The following CPNE4 variants were observed in gnomAD, a reference collection of about 807,000 sequenced individuals.
CPNE4 encodes the protein copine 4.
In CPNE4, 25 loss-of-function variants were observed where a neutral mutation model predicts 67.9. That is an observed-to-expected ratio of 0.37 (90% CI 0.27 to 0.51). CPNE4 has a LOEUF of 0.51. Ranked by LOEUF, CPNE4 falls within the 20% of genes least tolerant of loss-of-function variation. The pLI is 0.93. For missense variants in CPNE4, 464 were observed against 690.8 expected (o/e 0.67, Z 3.68); for synonymous variants, 242 against 244.9 (o/e 0.99, Z 0.11).
At chr3:131,879,225 T>C (rs1439459233) in intron 2 of CPNE4, among the ~76,000 whole-genome samples, 1 of 152,160 alleles carries the variant, frequency 6.6e-6, no homozygotes, top group Non-Finnish European at 1.5e-5. Flanking sequence ...AAAACTGTGA[T>C]TAAAGTGAAT....
intron 2 of CPNE4, among the ~76,000 whole-genome samples, chr3:131,824,173 T>TC (rs879432106): frequency 0.032 from 4,807 of 152,236 alleles, 184 homozygotes; most frequent in South Asian, 0.094. Context: ...CAATTCTTTA[T>TC]ATAAATAAAG....
chr3:131,979,258 A>G (rs1278111088), intron 1 of CPNE4, among the ~76,000 whole-genome samples: 1 of 152,120 alleles, frequency 6.6e-6, no homozygotes, highest in Non-Finnish European at 1.5e-5. Context: ...TGTCTTGATG[A>G]CATGTCTAAT....
chr3:131,693,591 C>G (rs1013853070), intron 5 of CPNE4, among the ~76,000 whole-genome samples: 6 of 152,112 alleles, frequency 3.9e-5, no homozygotes, highest in African/African-American at 1.4e-4. Context: ...CTGGAAAACT[C>G]CACTTTACAT....
At chr3:131,718,481 G>T (rs2081796440) in intron 3 of CPNE4, among the ~76,000 whole-genome samples, 1 of 152,136 alleles carries the variant, frequency 6.6e-6, no homozygotes, top group African/African-American at 2.4e-5. Flanking sequence ...TCACTTAAGA[G>T]TTCTCTGTCG....
intron 2 of CPNE4, among the ~76,000 whole-genome samples, chr3:131,883,332 TTC>T (rs2107723489): frequency 6.6e-6 from 1 of 152,308 alleles, no homozygotes; most frequent in African/African-American, 2.4e-5. Flanking sequence ...ACTCCTCATT[TTC>T]TCTCATACCT....
chr3:131,618,299 G>T (rs1291530743), intron 7 of CPNE4, among the ~76,000 whole-genome samples: 1 of 152,144 alleles, frequency 6.6e-6, no homozygotes, highest in Non-Finnish European at 1.5e-5. Flanking sequence ...CATTTAGGAG[G>T]TATATTGTGA....
chr3:131,767,878 G>C (rs112467782), intron 2 of CPNE4, among the ~76,000 whole-genome samples: 4,793 of 151,952 alleles, frequency 0.032, 274 homozygotes, highest in African/African-American at 0.11. Context: ...CCTACACCCT[G>C]GTATTCTATT....
intron 2 of CPNE4, among the ~76,000 whole-genome samples, chr3:131,755,343 C>G (rs1005895367): frequency 6.6e-6 from 1 of 152,026 alleles, no homozygotes; most frequent in Non-Finnish European, 1.5e-5. Context: ...GGGGAGGAGA[C>G]AGTGGTTGCA....
intron 1 of CPNE4, among the ~76,000 whole-genome samples, chr3:131,946,879 A>G (rs2071566653): frequency 6.6e-6 from 1 of 152,110 alleles, no homozygotes; most frequent in African/African-American, 2.4e-5. Flanking sequence ...ATTTTTATAT[A>G]TAGTGTTAAG....
At chr3:131,698,665 A>G (rs113768602) in intron 4 of CPNE4, among the ~76,000 whole-genome samples, 4,772 of 151,746 alleles carry the variant, frequency 0.031, 108 homozygotes, top group East Asian at 0.1. Flanking sequence ...TAATCCCAGC[A>G]CTTTGGGAAG....
intron 2 of CPNE4, among the ~76,000 whole-genome samples, chr3:131,876,349 A>C (rs1409341438): frequency 6.6e-6 from 1 of 152,068 alleles, no homozygotes; most frequent in African/African-American, 2.4e-5. Context: ...ATTATGAGAC[A>C]TTCTTTTTCT....
chr3:131,951,264 T>G (rs2107886679), intron 1 of CPNE4, among the ~76,000 whole-genome samples: 1 of 152,314 alleles, frequency 6.6e-6, no homozygotes, highest in East Asian at 1.9e-4. Context: ...TTATTATAAT[T>G]TATGTGCTTA....
At chr3:131,613,704 C>T (rs981943380) in intron 7 of CPNE4, among the ~76,000 whole-genome samples, 6 of 152,134 alleles carry the variant, frequency 3.9e-5, no homozygotes, top group Non-Finnish European at 7.4e-5. Context: ...TACAGCTTGG[C>T]CTGTAACCTA....
At chr3:131,574,216 A>G (rs1937480229) in intron 10 of CPNE4, among the ~76,000 whole-genome samples, 1 of 152,194 alleles carries the variant, frequency 6.6e-6, no homozygotes, top group South Asian at 2.1e-4. Flanking sequence ...AAGATGAGAA[A>G]TAAATGCTGT....
intron 1 of CPNE4, among the ~76,000 whole-genome samples, chr3:131,934,811 C>T (rs531825919): frequency 6.6e-6 from 1 of 152,202 alleles, no homozygotes; most frequent in South Asian, 2.1e-4. Context: ...TGGGTGAAGT[C>T]TGGAGTACCT....
intron 7 of CPNE4, among the ~76,000 whole-genome samples, chr3:131,665,919 A>G (rs79906708): frequency 0.025 from 3,854 of 152,308 alleles, 114 homozygotes; most frequent in African/African-American, 0.074. Context: ...GGAAGATTCA[A>G]TATTATAAAG....
intron 2 of CPNE4, among the ~76,000 whole-genome samples, chr3:131,784,218 A>G (rs1259467859): frequency 6.6e-6 from 1 of 152,046 alleles, no homozygotes; most frequent in African/African-American, 2.4e-5. Context: ...CTTTCTATGC[A>G]GGGCGATATT....
At chr3:131,780,847 GAAAA>G (rs1039442161) in intron 2 of CPNE4, among the ~76,000 whole-genome samples, 1 of 151,542 alleles carries the variant, frequency 6.6e-6, no homozygotes, top group Non-Finnish European at 1.5e-5. Flanking sequence ...AAGTTGGAAA[GAAAA>G]AAAAGACAGC....
chr3:131,672,384 T>C (rs1419239304), intron 6 of CPNE4, among the ~76,000 whole-genome samples: 1 of 152,156 alleles, frequency 6.6e-6, no homozygotes, highest in African/African-American at 2.4e-5. Context: ...GTTCTATTTT[T>C]AATTTTTTGA....
Sources: allele counts gnomAD v4.1 joint callset (sites outside exome capture counted in the v4.1 genomes callset), GRCh38; gene constraint gnomAD v4.1.1; transcripts MANE v1.5; gene names NCBI Gene and HGNC (gene_info 2026-07-23, HGNC 2026-07-21).